The following DDC variants were observed in gnomAD, a reference collection of about 807,000 sequenced individuals.
The protein encoded by DDC is aromatic-L-amino-acid decarboxylase.
Under a neutral mutation model 60.0 loss-of-function variants are expected in DDC, and 43 were observed. That is an observed-to-expected ratio of 0.72 (90% CI 0.56 to 0.92). The LOEUF is 0.92. Among genes scored for constraint, DDC ranks in the 40% least tolerant of loss-of-function variants. The probability of loss-of-function intolerance (pLI) is 0.00; values close to 1 mark genes in which losing one functional copy is unlikely to be tolerated. For synonymous variants in DDC, 232 were observed against 234.6 expected, an observed-to-expected ratio of 0.99 and a Z score of 0.10; for missense variants, 573 against 620.2, an observed-to-expected ratio of 0.92 and a Z score of 0.81.
At chr7:50,483,566 C>T (rs1174385316) in intron 9 of DDC, among the ~76,000 whole-genome samples, 3 of 152,068 alleles carry the variant, frequency 2.0e-5, no homozygotes, top group African/African-American at 7.2e-5. Context: ...TAGGATTGGA[C>T]TGATAAGTTT....
chr7:50,461,070 T>A (rs532690856), intron 14 of DDC, among the ~76,000 whole-genome samples: 1 of 151,086 alleles, frequency 6.6e-6, no homozygotes, highest in Non-Finnish European at 1.5e-5. Flanking sequence ...AATAAATAAA[T>A]AAAAATTAAA....
chr7:50,504,937 G>C (rs1220724018), intron 6 of DDC, among the ~76,000 whole-genome samples: 2 of 152,200 alleles, frequency 1.3e-5, no homozygotes, highest in African/African-American at 4.8e-5. Flanking sequence ...GAATGATACT[G>C]TTCCCAAAGA....
In DDC at chr7:50,541,982, G is replaced by A. The variant is rs1364258202; in HGVS notation, c.201+1903C>T. 2.6e-5 allele frequency among the ~76,000 whole-genome samples: 4 copies of A among 152,098 alleles called. No individual in the cohort carries two copies. The East Asian group carries it at 7.7e-4, about 29-fold the overall frequency. On this transcript the variant is annotated intron_variant, in intron 2 of 14. Coordinates refer to ENST00000444124, the MANE Select transcript of DDC (RefSeq NM_001082971.2). ...GCTTGGGGAGTGGTGGAGAGAGGGAGCTAACACAGTCTAGGCTTGGGGGCT... is the reference window on the plus strand; with the variant it reads ...GCTTGGGGAGTGGTGGAGAGAGGGAACTAACACAGTCTAGGCTTGGGGGCT...
intron 9 of DDC, 94 bp from the exon 10 acceptor site, chr7:50,479,957 G>A: frequency 1.1e-6 from 1 of 915,452 alleles, no homozygotes; most frequent in South Asian, 1.4e-5. Flanking sequence ...TCAGGCACCT[G>A]CTCCCAGCCC....
intron 14 of DDC, among the ~76,000 whole-genome samples, chr7:50,461,803 C>T (rs1490806228): frequency 6.6e-6 from 1 of 152,172 alleles, no homozygotes; most frequent in Non-Finnish European, 1.5e-5. Context: ...TGAGATACCA[C>T]TTTGGAGTTG....
At position 50,478,210 on chromosome 7, in the gene DDC, C is replaced by A. The variant is rs1445253293; in HGVS notation, c.1022-1567G>T. On this transcript the variant is annotated intron_variant, in intron 10 of 14. Coordinates refer to ENST00000444124, the MANE Select transcript of DDC (RefSeq NM_001082971.2). ...CTTGGGTGACAGAGCCAAACCCTGT[C>A]TCAAAAAAAAAAAATTGTCAAAGAA... is the stretch of plus-strand genomic sequence containing the variant. Among the ~76,000 whole-genome samples, 4 of 61,528 alleles carry A rather than the reference C, an allele frequency of 6.5e-5. No individual in the cohort carries two copies. In the East Asian group the frequency reaches 1.2e-3, roughly 19 times the overall value. 40.4% of individuals were successfully genotyped at this position (61,528 alleles called of 152,430 possible).
At chr7:50,540,760 A>T (rs1271704265) in intron 2 of DDC, among the ~76,000 whole-genome samples, 1 of 152,208 alleles carries the variant, frequency 6.6e-6, no homozygotes, top group East Asian at 1.9e-4. Context: ...GCACAGAGGA[A>T]AAGCTCATGT....
chr7:50,537,208 G>T (rs1348340191), intron 4 of DDC, among the ~76,000 whole-genome samples: 1 of 152,146 alleles, frequency 6.6e-6, no homozygotes, highest in African/African-American at 2.4e-5. Flanking sequence ...TGAAGAAAAT[G>T]AATTCAGTTG....
At chr7:50,510,800 TA>T (rs1463631590) in intron 6 of DDC, among the ~76,000 whole-genome samples, 2 of 150,744 alleles carry the variant, frequency 1.3e-5, no homozygotes, top group Non-Finnish European at 1.5e-5. Context: ...GCTAACACGG[TA>T]AAACCCCGTC....
At position 50,464,493 on chromosome 7, in the gene DDC, AATT is replaced by A. The variant is rs1250449101; in HGVS notation, c.1243-1065_1243-1063del. Among the ~76,000 whole-genome samples the A allele has an allele frequency of 2.0e-5, 3 of 152,342 alleles. No homozygotes were observed. In the East Asian group the frequency reaches 5.8e-4, roughly 29 times the overall value. ...AAGGATGAGGATAGAGAAAAAAAGAAATTATCATACCAAGGGAATGGAATTTTA... is the reference window on the plus strand; with the variant it reads ...AAGGATGAGGATAGAGAAAAAAAGAAATCATACCAAGGGAATGGAATTTTA... On this transcript the variant is annotated intron_variant, in intron 13 of 14. Coordinates refer to ENST00000444124, the MANE Select transcript of DDC (RefSeq NM_001082971.2).
At chr7:50,551,675 A>G (rs540641139) in intron 1 of DDC, among the ~76,000 whole-genome samples, 1 of 152,110 alleles carries the variant, frequency 6.6e-6, no homozygotes, top group Non-Finnish European at 1.5e-5. Context: ...TGAGAGTTCT[A>G]ATATACTAAT....
intron 13 of DDC, among the ~76,000 whole-genome samples, chr7:50,464,637 C>T (rs2042355449): frequency 1.3e-5 from 2 of 152,162 alleles, no homozygotes; most frequent in Admixed American, 1.3e-4. Context: ...TAGGGCAGTA[C>T]TTCCATGAAG....
Position 50,544,157 on chromosome 7 carries a change from G to T in DDC, c.-28-44C>A, listed in dbSNP as rs1362209062. Reference sequence around the variant, plus strand: ...TCAGTGAGCAAATTTTGCAACCTCTGAACTGGAAGGCGGGGATACCAAGCA... The same window carrying T: ...TCAGTGAGCAAATTTTGCAACCTCTTAACTGGAAGGCGGGGATACCAAGCA... On this transcript the variant is annotated intron_variant, in intron 1 of 14. Coordinates refer to ENST00000444124, the MANE Select transcript of DDC (RefSeq NM_001082971.2). 5 of 1,459,698 alleles carry T rather than the reference G, an allele frequency of 3.4e-6. No individual in the cohort carries two copies. The African/African-American group carries it at 5.6e-5, about 16-fold the overall frequency. The allele number at this position is 1,459,698 out of a possible 1,614,324, so 90.4% of individuals were successfully genotyped here. A position where few individuals can be genotyped will look rare whatever the true frequency, so the allele number is the denominator to read the frequency against.
chr7:50,464,371 C>T (rs1213307085), intron 13 of DDC, among the ~76,000 whole-genome samples: 3 of 152,010 alleles, frequency 2.0e-5, no homozygotes, highest in Non-Finnish European at 4.4e-5. Context: ...GGCCTGAGTG[C>T]CCTGCTCCTG....
chr7:50,561,907 A>G (rs1014471843), intron 1 of DDC, among the ~76,000 whole-genome samples: 2 of 152,068 alleles, frequency 1.3e-5, no homozygotes, highest in African/African-American at 4.8e-5. Flanking sequence ...ACACAAGCAT[A>G]CATGCATGCA....
intron 9 of DDC, among the ~76,000 whole-genome samples, chr7:50,493,575 A>G (rs760113236): frequency 1.4e-4 from 22 of 152,230 alleles, no homozygotes; most frequent in Non-Finnish European, 3.1e-4. Context: ...CACACGGTGC[A>G]AACTGTCCTC....
chr7:50,488,201 T>A (rs576480271), intron 9 of DDC, among the ~76,000 whole-genome samples: 31 of 152,008 alleles, frequency 2.0e-4, no homozygotes, highest in African/African-American at 6.7e-4. Flanking sequence ...AAAAACGACA[T>A]ATAATTTAGA....
intron 8 of DDC, among the ~76,000 whole-genome samples, chr7:50,498,112 A>G (rs2043165146): frequency 6.6e-6 from 1 of 152,270 alleles, no homozygotes; most frequent in Non-Finnish European, 1.5e-5. Context: ...CCCTTAAAAC[A>G]TGATTAACTC....
chr7:50,468,258 CAAG>C (rs1310966579), intron 12 of DDC, among the ~76,000 whole-genome samples: 2 of 152,224 alleles, frequency 1.3e-5, no homozygotes, highest in African/African-American at 4.8e-5. Flanking sequence ...GGTTCCCGCC[CAAG>C]GAGACAGGCT....
Sources: allele counts gnomAD v4.1 joint callset (sites outside exome capture counted in the v4.1 genomes callset), GRCh38; gene constraint gnomAD v4.1.1; transcripts MANE v1.5; gene names NCBI Gene and HGNC (gene_info 2026-07-23, HGNC 2026-07-21).